Variants in IL12RB1 observed in about 807,000 individuals in gnomAD.
IL12RB1 encodes interleukin-12 receptor subunit beta-1.
IL12RB1 carries 64 observed loss-of-function variants against 94.4 expected under a neutral mutation model. The observed-to-expected ratio is 0.68, with a 90% confidence interval of 0.55 to 0.83. The LOEUF (loss-of-function observed/expected upper bound fraction) is 0.83. IL12RB1 is among the 40% of genes least tolerant of loss of function. The pLI is 0.00. For missense variants in IL12RB1, 814 were observed against 855.6 expected (o/e 0.95, Z 0.61); for synonymous variants, 362 against 355.5 (o/e 1.02, Z -0.21).
At chr19:18,068,996 T>G (rs775868252) in intron 10 of IL12RB1, among the ~76,000 whole-genome samples, 1 of 151,138 alleles carries the variant, frequency 6.6e-6, no homozygotes, top group Non-Finnish European at 1.5e-5. Context: ...TTGATCCACC[T>G]GCCTCAGCCT....
chr19:18,060,717 C>T (rs1159763121), intron 15 of IL12RB1, among the ~76,000 whole-genome samples: 1 of 152,072 alleles, frequency 6.6e-6, no homozygotes, highest in Non-Finnish European at 1.5e-5. Flanking sequence ...GGGCATGTGA[C>T]CCAAGCTGGA....
At chr19:18,078,253 A>T (rs2035627227) in intron 4 of IL12RB1, among the ~76,000 whole-genome samples, 1 of 151,944 alleles carries the variant, frequency 6.6e-6, no homozygotes, top group South Asian at 2.1e-4. Flanking sequence ...TACTAAATAC[A>T]AAAATTAGCC....
At position 18,059,484 on chromosome 19, in the gene IL12RB1, G is replaced by A. The variant is rs1340319197; in HGVS notation, c.*124C>T. ...CCGCAGGATGGGTGGCAACAGGCACGGGGCAGAGAGGAGGCAGGTGCACTG... is the reference window on the plus strand; with the variant it reads ...CCGCAGGATGGGTGGCAACAGGCACAGGGCAGAGAGGAGGCAGGTGCACTG... On this transcript the variant is annotated 3_prime_UTR_variant, in exon 17 of 17. Transcript: ENST00000593993. 1.7e-5 allele frequency: 12 copies of A among 722,320 alleles called. No homozygotes were observed. The highest frequency in any genetic ancestry group is 5.2e-5 in the African/African-American group (3 of 57,688). 44.7% of individuals were successfully genotyped at this position (722,320 alleles called of 1,614,324 possible). A position where few individuals can be genotyped will look rare whatever the true frequency, so the allele number is the denominator to read the frequency against.
upstream of IL12RB1, chr19:18,086,985 G>T (rs572687715): frequency 3.4e-6 from 5 of 1,471,176 alleles, no homozygotes; most frequent in Non-Finnish European, 4.6e-6. Flanking sequence ...CATCCCTAAG[G>T]CAAGTCAAAG....
Position 18,076,299 on chromosome 19 carries a change from G to T in IL12RB1, c.578C>A (p.Thr193Asn). 7.1e-7 allele frequency: 1 copy of T among 1,403,918 alleles called. No homozygotes were observed. The highest frequency in any genetic ancestry group is 1.0e-6 in the Non-Finnish European group (1 of 987,936). The allele number at this position is 1,403,918 out of a possible 1,614,324, so 87.0% of individuals were successfully genotyped here. ...GTCATTACTATTATTATTCTCACCA[G>T]TATCATCATCCTGAGGTCCGCAGTC... ...LGDCGPQDDD[T>N]ESCLCPLEMN... Residue 193 changes from threonine to asparagine, a missense_variant and splice_region_variant, in exon 6 of 17, where the codon ACT (threonine) becomes AAT (asparagine). Physicochemically the swap from Thr to Asn is moderately conservative, Grantham distance 65 (BLOSUM62 0). Coordinates refer to ENST00000593993, the MANE Select transcript of IL12RB1 (RefSeq NM_005535.3).
At chr19:18,083,986 T>C (rs979596974) in intron 1 of IL12RB1, among the ~76,000 whole-genome samples, 3 of 141,670 alleles carry the variant, frequency 2.1e-5, no homozygotes, top group Non-Finnish European at 4.5e-5. Context: ...CATCCATGTA[T>C]TCATCCATCC....
intron 8 of IL12RB1, among the ~76,000 whole-genome samples, 167 bp downstream of exon 8, chr19:18,073,350 A>G (rs2035217405): frequency 6.6e-6 from 1 of 150,880 alleles, no homozygotes; most frequent in South Asian, 2.1e-4. Context: ...TCACACACAC[A>G]CTCCATGGCT....
chr19:18,082,070 C>G, intron 3 of IL12RB1, 80 bp downstream of exon 3: 1 of 842,050 alleles, frequency 1.2e-6, no homozygotes, highest in Non-Finnish European at 2.0e-6. Flanking sequence ...ATCACGCATC[C>G]GAGAGTAGGG....
rs775912796 is a variant in IL12RB1 at position 18,075,805 on chromosome 19, AGCT to A, written c.641_643del (p.Gln214del). On this transcript the variant is annotated inframe_deletion, in exon 7 of 17. Coordinates refer to ENST00000593993, the MANE Select transcript of IL12RB1 (RefSeq NM_005535.3). Reference sequence around the variant, plus strand: ...GCTCCAGGAACTTCCTTGGCTCCCCAGCTGCCGTCGTCGGAGCTGGAATTCCTG... The same window carrying A: ...GCTCCAGGAACTTCCTTGGCTCCCCAGCCGTCGTCGGAGCTGGAATTCCTG... The A allele has an allele frequency of 1.9e-6, 3 of 1,613,140 alleles. No individual in the cohort carries two copies. The highest frequency in any genetic ancestry group is 1.1e-5 in the South Asian group (1 of 91,060).
At chr19:18,064,720 C>T (rs1425381427) in intron 12 of IL12RB1, among the ~76,000 whole-genome samples, 7 of 151,998 alleles carry the variant, frequency 4.6e-5, no homozygotes, top group African/African-American at 7.3e-5. Flanking sequence ...GTGATCCGCC[C>T]GCCTCAGCCT....
intron 9 of IL12RB1, 23 bp from the exon 10 acceptor site, chr19:18,069,736 C>CATCGAGA: frequency 6.3e-7 from 1 of 1,580,186 alleles, no homozygotes; most frequent in South Asian, 1.1e-5. Flanking sequence ...GGGAGAGACG[C>CATCGAGA]ATCGAGACAG....
chr19:18,089,370 A>G (rs1042986775), upstream of IL12RB1, among the ~76,000 whole-genome samples: 7 of 152,102 alleles, frequency 4.6e-5, no homozygotes, highest in Admixed American at 3.3e-4. Flanking sequence ...TCACTCCTGC[A>G]ATCCCAGCAC....
rs2146414715 is a variant in IL12RB1 at position 18,082,168 on chromosome 19, C to T, written c.221G>A (p.Ser74Asn). The T allele has an allele frequency of 6.2e-7, 1 of 1,610,670 alleles. No individual in the cohort carries two copies. Among genetic ancestry groups the T allele is most frequent in the Non-Finnish European group, 8.5e-7 (1 of 1,177,010 alleles). Residue 74 changes from serine to asparagine, a missense_variant, in exon 3 of 17, where the codon AGC becomes AAC. By Grantham distance (46) the Ser-to-Asn change is conservative. Transcript: ENST00000593993. ...WQYEGPTAGVSHFLRCCLSSG... is the reference protein window; with the variant it reads ...WQYEGPTAGVNHFLRCCLSSG... ...TCCTCACCAACACCGCAGGAAGTGG[C>T]TGACCCCAGCTGTGGGACCCTCATA...
chr19:18,097,958 C>T (rs1229508283), intron 1 of IL12RB1: 1 of 724,226 alleles, frequency 1.4e-6, no homozygotes, highest in Non-Finnish European at 1.9e-6. Context: ...GGGGAACGCT[C>T]AGATCGCTTC....
Position 18,068,498 on chromosome 19 carries a change from C to T in IL12RB1, c.1218G>A (p.Gly406=). ...MATYSWSRES[G]AMGQEKCYYI... Reference sequence around the variant, plus strand: ...AGTAACACTTTTCCTGCCCCATTGCCCCAGACTCTCGACTCCAGCTGTAGG... The same window carrying T: ...AGTAACACTTTTCCTGCCCCATTGCTCCAGACTCTCGACTCCAGCTGTAGG... Residue 406 remains glycine (G), a synonymous_variant, in exon 11 of 17, where the codon GGG becomes GGA. Coordinates refer to ENST00000593993, the MANE Select transcript of IL12RB1 (RefSeq NM_005535.3). The T allele has an allele frequency of 6.2e-7, 1 of 1,612,704 alleles. No homozygotes were observed. Among genetic ancestry groups the T allele is most frequent in the Non-Finnish European group, 8.5e-7 (1 of 1,178,958 alleles).
intron 8 of IL12RB1, among the ~76,000 whole-genome samples, chr19:18,073,053 C>G (rs1227091690): frequency 5.3e-5 from 8 of 151,556 alleles, no homozygotes; most frequent in Non-Finnish European, 1.0e-4. Context: ...CCATTAGGGA[C>G]CTGACTAAGA....
chr19:18,065,177 T>G (rs1264085692), intron 12 of IL12RB1, among the ~76,000 whole-genome samples: 3 of 152,272 alleles, frequency 2.0e-5, no homozygotes, highest in African/African-American at 4.8e-5. Flanking sequence ...ACCACCGACA[T>G]GCACTTGAAC....
Position 18,073,604 on chromosome 19 carries a change from A to T in IL12RB1, c.701-5T>A. ...CCTGAGGCTGTGGGGGGTTTTCTGC[A>T]ATCAGAACCAAACCAACTAGACGAA... On this transcript the variant is annotated splice_region_variant and splice_polypyrimidine_tract_variant and intron_variant, in intron 7 of 16. Coordinates refer to ENST00000593993, the MANE Select transcript of IL12RB1 (RefSeq NM_005535.3). The T allele has an allele frequency of 6.3e-7, 1 of 1,590,854 alleles. No individual in the cohort carries two copies. The highest frequency in any genetic ancestry group is 8.6e-7 in the Non-Finnish European group (1 of 1,159,362).
chr19:18,097,980 C>T (rs2037130634), intron 1 of IL12RB1: 1 of 594,608 alleles, frequency 1.7e-6, no homozygotes, highest in Non-Finnish European at 2.4e-6. Context: ...TTTTGACCAC[C>T]CGCTTCTCAA....
Sources: allele counts gnomAD v4.1 joint callset (sites outside exome capture counted in the v4.1 genomes callset), GRCh38; gene constraint gnomAD v4.1.1; transcripts MANE v1.5; gene names NCBI Gene and HGNC (gene_info 2026-07-23, HGNC 2026-07-21).